Variants in ITGA9 observed in about 807,000 individuals in gnomAD.
ITGA9 encodes the protein integrin subunit alpha 9.
In ITGA9, 56 loss-of-function variants were observed where a neutral mutation model predicts 127.8. The observed-to-expected ratio is 0.44, with a 90% CI of 0.35 to 0.55. The LOEUF is 0.55. Among genes scored for constraint, ITGA9 ranks in the 20% least tolerant of loss-of-function variants. ITGA9 has a pLI of 0.00. For synonymous variants in ITGA9, 508 were observed against 514.5 expected, an observed-to-expected ratio of 0.99 and a Z score of 0.17; for missense variants, 1,196 against 1,347.1, an observed-to-expected ratio of 0.89 and a Z score of 1.76.
intron 15 of ITGA9, among the ~76,000 whole-genome samples, chr3:37,555,037 G>T (rs184185919): frequency 6.6e-6 from 1 of 152,198 alleles, no homozygotes; most frequent in African/African-American, 2.4e-5. Context: ...AAGAGAGGGG[G>T]ACCAAGGGCT....
chr3:37,629,958 C>T lies in ITGA9; in HGVS notation c.1839+622C>T, dbSNP rs1160018511. Among the ~76,000 whole-genome samples, 1 of 152,130 alleles carries T rather than the reference C, an allele frequency of 6.6e-6. No individual in the cohort carries two copies. The highest frequency in any genetic ancestry group is 1.5e-5 in the Non-Finnish European group (1 of 68,040). ...GCTCTGAGGCGTGCAGCACTGAGTG[C>T]GGTGCAGGAATATGCAAGGAATCTG... On this transcript the variant is annotated intron_variant, in intron 16 of 27. Transcript: ENST00000264741. This position sits in a 1 kb window ranked among gnomAD's most constrained non-coding sequence, Gnocchi z 4.5.
chr3:37,760,774 A>G (rs1696714664), intron 23 of ITGA9, among the ~76,000 whole-genome samples: 1 of 152,226 alleles, frequency 6.6e-6, no homozygotes, highest in Non-Finnish European at 1.5e-5. Context: ...TAAGCAAGCC[A>G]TAAAATCCTG....
chr3:37,459,442 A>T (rs1393449109), intron 1 of ITGA9, among the ~76,000 whole-genome samples: 1 of 152,208 alleles, frequency 6.6e-6, no homozygotes, highest in Non-Finnish European at 1.5e-5. Context: ...ACACAGTGAA[A>T]GGGATGAGGG....
chr3:37,708,257 T>C (rs558435678), intron 18 of ITGA9, among the ~76,000 whole-genome samples: 1 of 152,250 alleles, frequency 6.6e-6, no homozygotes, highest in African/African-American at 2.4e-5. Context: ...CAGGCTCCTG[T>C]AGGGTTCCAA....
At chr3:37,761,560 G>A (rs1446969281) in intron 23 of ITGA9, among the ~76,000 whole-genome samples, 2 of 152,206 alleles carry the variant, frequency 1.3e-5, no homozygotes, top group African/African-American at 4.8e-5. Context: ...ATAGTGCAGA[G>A]ATACTGTATC....
chr3:37,502,285 G>C (rs573956467), intron 5 of ITGA9, among the ~76,000 whole-genome samples: 2 of 149,546 alleles, frequency 1.3e-5, no homozygotes, highest in South Asian at 4.3e-4. Flanking sequence ...CATGGTCTTG[G>C]CTCACTGAGA....
intron 23 of ITGA9, among the ~76,000 whole-genome samples, chr3:37,765,963 T>G (rs1340708643): frequency 6.6e-6 from 1 of 152,194 alleles, no homozygotes; most frequent in African/African-American, 2.4e-5. Context: ...GTGCCTGGTG[T>G]TTTCTGGTCT....
At chr3:37,697,312 T>C (rs1463080091) in intron 18 of ITGA9, among the ~76,000 whole-genome samples, 2 of 17,484 alleles carry the variant, frequency 1.1e-4, no homozygotes, top group Non-Finnish European at 3.5e-4. Context: ...CTTCTGTTAT[T>C]ATTATTATTA....
intron 16 of ITGA9, among the ~76,000 whole-genome samples, chr3:37,634,849 G>T: frequency 6.6e-6 from 1 of 152,126 alleles, no homozygotes; most frequent in East Asian, 1.9e-4. Context: ...CACATAGTAG[G>T]CCACAAAATA....
chr3:37,815,723 T>C (rs969852294), intron 27 of ITGA9, among the ~76,000 whole-genome samples: 3 of 152,120 alleles, frequency 2.0e-5, no homozygotes, highest in Non-Finnish European at 1.5e-5. Context: ...AAAAAAAATA[T>C]TGAGTCTGTA....
At chr3:37,663,055 A>C (rs1010017318) in intron 17 of ITGA9, among the ~76,000 whole-genome samples, 1 of 152,090 alleles carries the variant, frequency 6.6e-6, no homozygotes, top group Non-Finnish European at 1.5e-5. Context: ...AAAACAATCA[A>C]CTCTTCAATT....
chr3:37,600,832 C>A (rs983950103), intron 15 of ITGA9, among the ~76,000 whole-genome samples: 5 of 152,208 alleles, frequency 3.3e-5, no homozygotes, highest in African/African-American at 1.2e-4. Context: ...ATGACAGGAA[C>A]CCCCAACCCC....
chr3:37,546,967 A>G (rs982125930), intron 15 of ITGA9, among the ~76,000 whole-genome samples: 2 of 152,218 alleles, frequency 1.3e-5, no homozygotes, highest in African/African-American at 4.8e-5. Context: ...CCTATGCATG[A>G]CAGGCAAATA....
chr3:37,543,222 G>A (rs922967425), intron 15 of ITGA9, among the ~76,000 whole-genome samples: 3 of 152,198 alleles, frequency 2.0e-5, no homozygotes, highest in African/African-American at 7.2e-5. Context: ...GCGCTGGCAG[G>A]GTGGAAGACC....
At chr3:37,647,536 T>C (rs1228669818) in intron 16 of ITGA9, among the ~76,000 whole-genome samples, 1 of 151,398 alleles carries the variant, frequency 6.6e-6, no homozygotes, top group East Asian at 1.9e-4. Context: ...ATTGTCAACA[T>C]AGTCATCACG....
At chr3:37,523,065 ACT>A (rs1359092665) in intron 11 of ITGA9, among the ~76,000 whole-genome samples, 1 of 152,136 alleles carries the variant, frequency 6.6e-6, no homozygotes. Flanking sequence ...CTAGGGAAAG[ACT>A]CTGTAATGTG....
At chr3:37,743,635 T>A (rs1232731712) in intron 21 of ITGA9, among the ~76,000 whole-genome samples, 2 of 152,226 alleles carry the variant, frequency 1.3e-5, no homozygotes, top group African/African-American at 2.4e-5. Flanking sequence ...AATGTATACT[T>A]TTATAATCCA....
intron 23 of ITGA9, among the ~76,000 whole-genome samples, chr3:37,756,159 CA>C (rs35974802): frequency 3.1e-4 from 44 of 142,372 alleles, no homozygotes; most frequent in East Asian, 8.3e-4. Context: ...GTAAGGCATT[CA>C]AAAAAAAAAG....
rs1221401344 is a variant in ITGA9, at chr3:37,481,556, A to G, written c.493A>G (p.Ile165Val). The G allele has an allele frequency of 2.5e-6, 4 of 1,613,922 alleles. No individual in the cohort carries two copies. Among genetic ancestry groups the G allele is most frequent in the Admixed American group, 3.3e-5 (2 of 60,002 alleles). The change falls in exon 4 of 28, where the codon ATC becomes GTC. Residue 165 changes from isoleucine (I) to valine (V), a missense_variant. Transcript: ENST00000264741. The stretch of plus-strand genomic sequence containing the variant: ...CCTACCCCATGGCTTCTGCTACATC[A>G]TCCCCTCCAACCTCCAGGCCAAAGG... ...HILPHGFCYI[I>V]PSNLQAKGRT...
Sources: gnomAD v4.1 joint callset for allele counts (sites outside exome capture counted in the v4.1 genomes callset) on GRCh38, gnomAD v4.1.1 for gene constraint, Gnocchi (gnomAD v3.1) non-coding constraint, MANE v1.5 for transcripts, NCBI Gene and HGNC (gene_info 2026-07-23, HGNC 2026-07-21) for gene names.